ST7: variants seen among roughly 807,000 people sequenced by gnomAD.
The protein encoded by ST7 is suppression of tumorigenicity 7, also known as suppressor of tumorigenicity 7 protein.
A neutral mutation model predicts 78.7 loss-of-function variants in ST7; 28 were observed. That is an observed-to-expected ratio of 0.36 (90% confidence interval 0.26 to 0.49). The LOEUF (loss-of-function observed/expected upper bound fraction) is 0.49, where lower values mean the gene tolerates loss of function less well. Among genes scored for constraint, ST7 ranks in the 20% least tolerant of loss-of-function variants. The probability of loss-of-function intolerance (pLI) is 0.99; values close to 1 mark genes in which losing one functional copy is unlikely to be tolerated. For missense variants in ST7, 418 were observed against 696.0 expected (o/e 0.60, Z 4.49); for synonymous variants, 247 against 249.6 (o/e 0.99, Z 0.10).
At chr7:117,082,929 G>A (rs1799893220) in intron 1 of ST7, among the ~76,000 whole-genome samples, 1 of 152,202 alleles carries the variant, frequency 6.6e-6, no homozygotes, top group Non-Finnish European at 1.5e-5. Flanking sequence ...GGTCTGGTGT[G>A]TTGGTTAAAT....
At chr7:117,174,259 G>A (rs1808204074) in intron 10 of ST7, among the ~76,000 whole-genome samples, 1 of 152,168 alleles carries the variant, frequency 6.6e-6, no homozygotes, top group South Asian at 2.1e-4. Flanking sequence ...TTTTATTCCA[G>A]GTGGCTGATC....
chr7:117,036,982 T>G lies in ST7; in HGVS notation c.152-62780T>G, dbSNP rs544211692. On this transcript the variant is annotated intron_variant, in intron 1 of 15. Coordinates refer to ENST00000323984, the MANE Select transcript of ST7 (RefSeq NM_001369598.1). ...GTGTGCTTCCTAATAAGCTTCCTCC[T>G]TCTCTAACACAAGTAAAAAGCCACA... Among the ~76,000 whole-genome samples, 8 of 152,282 alleles carry G rather than the reference T, an allele frequency of 5.3e-5. No individual in the cohort carries two copies. The South Asian group carries it at 1.5e-3, about 28-fold the overall frequency.
intron 15 of ST7, among the ~76,000 whole-genome samples, 173 bp from the exon 16 acceptor site, chr7:117,229,589 G>T (rs1793661055): frequency 6.6e-6 from 1 of 152,232 alleles, no homozygotes; most frequent in Admixed American, 6.5e-5. Flanking sequence ...CCAAGGACTG[G>T]AATGCAGGTT....
intron 12 of ST7, among the ~76,000 whole-genome samples, chr7:117,203,385 G>T (rs1329675098): frequency 6.6e-6 from 1 of 152,150 alleles, no homozygotes; most frequent in Admixed American, 6.5e-5. Context: ...ATAATGCTTG[G>T]CATGTGTGTT....
chr7:117,143,022 T>G (rs933779590), intron 9 of ST7, among the ~76,000 whole-genome samples: 7 of 152,138 alleles, frequency 4.6e-5, no homozygotes, highest in African/African-American at 1.7e-4. Flanking sequence ...GGGGCTGTTT[T>G]GCCCAAATGA....
At chr7:117,113,643 G>T (rs756651292) in intron 2 of ST7, among the ~76,000 whole-genome samples, 2 of 152,130 alleles carry the variant, frequency 1.3e-5, no homozygotes, top group African/African-American at 2.4e-5. Flanking sequence ...GTGTTTCTGT[G>T]TGCTACTGTA....
intron 1 of ST7, among the ~76,000 whole-genome samples, chr7:117,073,598 C>T (rs1311501658): frequency 6.6e-6 from 1 of 152,152 alleles, no homozygotes; most frequent in African/African-American, 2.4e-5. Context: ...TCCCAACTAC[C>T]CGGGTTTAAC....
intron 1 of ST7, among the ~76,000 whole-genome samples, chr7:116,996,405 G>A (rs1794657074): frequency 6.6e-6 from 1 of 152,134 alleles, no homozygotes. Context: ...TTCAATACTT[G>A]TCACATCCAA....
intron 1 of ST7, among the ~76,000 whole-genome samples, chr7:117,076,016 C>T (rs1242576978): frequency 2.0e-5 from 3 of 152,192 alleles, no homozygotes; most frequent in Admixed American, 2.0e-4. Flanking sequence ...TTTGCCCCTC[C>T]CAACTTCCTG....
intron 10 of ST7, among the ~76,000 whole-genome samples, chr7:117,171,609 C>T (rs193566): frequency 0.13 from 19,162 of 150,816 alleles, 2,296 homozygotes; most frequent in African/African-American, 0.31. Flanking sequence ...AAAAATAAGC[C>T]GGCACATCCT....
intron 15 of ST7, among the ~76,000 whole-genome samples, chr7:117,224,474 TGAGTA>T (rs1483745605): frequency 2.0e-5 from 3 of 152,212 alleles, no homozygotes; most frequent in Non-Finnish European, 4.4e-5. Context: ...GCCAAAACTC[TGAGTA>T]GAGTGTGACT....
chr7:116,995,318 G>T (rs1010450068), intron 1 of ST7, among the ~76,000 whole-genome samples: 1 of 152,084 alleles, frequency 6.6e-6, no homozygotes. Context: ...CCCGTCCTAG[G>T]GTTGTTTTAT....
intron 1 of ST7, among the ~76,000 whole-genome samples, chr7:117,081,523 C>A (rs1384000391): frequency 1.3e-5 from 2 of 152,076 alleles, no homozygotes; most frequent in African/African-American, 2.4e-5. Flanking sequence ...AAATTTTAAT[C>A]ATTTCATTCA....
chr7:117,213,661 A>G (rs1318303520), intron 13 of ST7, among the ~76,000 whole-genome samples: 1 of 152,104 alleles, frequency 6.6e-6, no homozygotes, highest in Admixed American at 6.6e-5. Context: ...AACAAAACTG[A>G]ATCCTCAACC....
At chr7:117,198,445 TCA>T (rs1408342975) in intron 12 of ST7, 1 of 358,876 alleles carries the variant, frequency 2.8e-6, no homozygotes, top group Non-Finnish European at 5.6e-6. Context: ...TTGAGGACCC[TCA>T]GTGTCCCTTC....
chr7:117,025,717 G>A (rs1156381038), intron 1 of ST7, among the ~76,000 whole-genome samples: 2 of 152,152 alleles, frequency 1.3e-5, no homozygotes, highest in African/African-American at 4.8e-5. Context: ...TAAAACTCAT[G>A]TAATGTATTT....
At chr7:117,114,482 T>TA (rs1216279824) in intron 2 of ST7, among the ~76,000 whole-genome samples, 1 of 152,166 alleles carries the variant, frequency 6.6e-6, no homozygotes, top group African/African-American at 2.4e-5. Context: ...TCTTTCTATC[T>TA]AGGAGTAGAC....
At chr7:117,197,016 A>G (rs1810381281) in intron 12 of ST7, among the ~76,000 whole-genome samples, 1 of 152,074 alleles carries the variant, frequency 6.6e-6, no homozygotes. Context: ...GTTGAAGAGA[A>G]TTATCTACTT....
intron 9 of ST7, among the ~76,000 whole-genome samples, chr7:117,143,777 C>A (rs1805523397): frequency 6.6e-6 from 1 of 152,094 alleles, no homozygotes. Flanking sequence ...GTACTTGGGA[C>A]CAGACTTCAT....
Sources: allele counts gnomAD v4.1 joint callset (sites outside exome capture counted in the v4.1 genomes callset), GRCh38; gene constraint gnomAD v4.1.1; transcripts MANE v1.5; gene names NCBI Gene and HGNC (gene_info 2026-07-23, HGNC 2026-07-21).